The following STOX2 variants were observed in gnomAD, a reference collection of about 807,000 sequenced individuals.
STOX2 encodes storkhead box 2.
Under a neutral mutation model 60.9 loss-of-function variants are expected in STOX2, and 28 were observed. The ratio of observed to expected loss-of-function variants is 0.46; its 90% CI spans 0.34 to 0.63. The LOEUF (loss-of-function observed/expected upper bound fraction) is 0.63. Among genes scored for constraint, STOX2 ranks in the 30% least tolerant of loss-of-function variants. The pLI, the probability that STOX2 is intolerant of heterozygous loss-of-function variation, is 0.01. For synonymous variants in STOX2, 472 were observed against 463.9 expected (o/e 1.02, Z -0.22); for missense variants, 1,024 against 1,187.7 (o/e 0.86, Z 2.03).
Position 184,018,642 on chromosome 4 carries a change from A to C in STOX2, c.*1358A>C, listed in dbSNP as rs1421945865. The stretch of plus-strand genomic sequence containing the variant: ...TTTTTAGCTGGATGTGTAGTTAATT[A>C]GACCAACTTATTTCCAAATGGTTTG... On this transcript the variant is annotated 3_prime_UTR_variant, in exon 4 of 4. Transcript: ENST00000308497. 6.6e-6 allele frequency: 1 copy of C among 152,222 alleles called. No individual in the cohort carries two copies. The highest frequency in any genetic ancestry group is 2.1e-4 in the South Asian group (1 of 4,834). 9.4% of individuals were successfully genotyped at this position (152,222 alleles called of 1,614,324 possible).
At chr4:184,005,170 TA>T (rs1165763586) in intron 2 of STOX2, among the ~76,000 whole-genome samples, 9 of 152,170 alleles carry the variant, frequency 5.9e-5, no homozygotes, top group Non-Finnish European at 1.2e-4. Flanking sequence ...ACTAAAGCAA[TA>T]CATAGAGGCT....
chr4:184,006,088 G>A (rs191239683), intron 2 of STOX2, among the ~76,000 whole-genome samples: 2 of 152,214 alleles, frequency 1.3e-5, no homozygotes, highest in East Asian at 3.9e-4. Flanking sequence ...AGCTTTATGA[G>A]TTTCCTAAGA....
chr4:183,926,712 C>T (rs1742251406), intron 1 of STOX2, among the ~76,000 whole-genome samples: 1 of 152,090 alleles, frequency 6.6e-6, no homozygotes, highest in Non-Finnish European at 1.5e-5. Flanking sequence ...AAACCTCCAC[C>T]TCCCGGGTTC....
In STOX2 at chr4:183,856,571, C is replaced by G. The variant is rs1206687160; in HGVS notation, c.364+58516C>G. On this transcript the variant is annotated intron_variant, in intron 1 of 2. Transcript: ENST00000513034. The surrounding 1 kb of genome is among the most constrained non-coding windows in gnomAD (Gnocchi z 4.0). ...TTCCAAAGCCTTGTCTAAAAGCCGTCCCTGCTCTCAGCCACCTGCCCCTGG... is the reference window on the plus strand; with the variant it reads ...TTCCAAAGCCTTGTCTAAAAGCCGTGCCTGCTCTCAGCCACCTGCCCCTGG... Among the ~76,000 whole-genome samples the G allele has an allele frequency of 6.6e-6, 1 of 152,202 alleles. No homozygotes were observed. Among genetic ancestry groups the G allele is most frequent in the Non-Finnish European group, 1.5e-5 (1 of 68,038 alleles).
At chr4:183,931,770 CA>C (rs1272769515) in intron 1 of STOX2, among the ~76,000 whole-genome samples, 1 of 152,170 alleles carries the variant, frequency 6.6e-6, no homozygotes, top group East Asian at 1.9e-4. Context: ...ACGAGAAGAG[CA>C]GGCATAAGCT....
At chr4:183,937,878 T>C (rs6839594) in intron 1 of STOX2, among the ~76,000 whole-genome samples, 151,006 of 152,354 alleles carry the variant, frequency 0.99, 74,852 homozygotes, top group Middle Eastern at 1. Context: ...GCTGGCTGGG[T>C]GCTCATGCCT....
At chr4:183,955,849 G>A (rs185469026) in intron 1 of STOX2, among the ~76,000 whole-genome samples, 8 of 152,096 alleles carry the variant, frequency 5.3e-5, no homozygotes, top group Admixed American at 1.3e-4. Flanking sequence ...CTTATCCCTC[G>A]TGGGCCTGCC....
intron 1 of STOX2, among the ~76,000 whole-genome samples, chr4:183,980,134 A>T (rs542801184): frequency 3.5e-4 from 53 of 152,182 alleles, no homozygotes; most frequent in Non-Finnish European, 6.2e-4. Flanking sequence ...ACTAGTTTTT[A>T]CTTTTTTACA....
chr4:184,005,474 A>AAAAAAAAAC lies in STOX2; in HGVS notation c.320-3682_320-3681insAAAAAACAA, dbSNP rs58443213. ...CGATATCTCAAAAAAAAAAAAAAAA[A>AAAAAAAAAC]AATTCATAGGTATAAGTAGACCACA... On this transcript the variant is annotated intron_variant, in intron 2 of 3. Coordinates refer to ENST00000308497, the MANE Select transcript of STOX2 (RefSeq NM_020225.3). 4.4e-3 allele frequency among the ~76,000 whole-genome samples: 531 copies of AAAAAAAAAC among 120,052 alleles called. 27 individuals are homozygous for AAAAAAAAAC. The highest frequency in any genetic ancestry group is 6.6e-3 in the Non-Finnish European group (378 of 57,470). The allele number at this position is 120,052 out of a possible 152,430, so 78.8% of individuals were successfully genotyped here. A position where few individuals can be genotyped will look rare whatever the true frequency, so the allele number is the denominator to read the frequency against.
rs1428270134 is a variant in STOX2, at chr4:184,017,454, A to G, written c.*170A>G. 6.7e-6 allele frequency: 4 copies of G among 597,724 alleles called. No individual in the cohort carries two copies. The highest frequency in any genetic ancestry group is 4.5e-4 in the Middle Eastern group (1 of 2,234). The allele number at this position is 597,724 out of a possible 1,614,324, so 37.0% of individuals were successfully genotyped here. The stretch of plus-strand genomic sequence containing the variant: ...CAAAAAAACAAAAAATCTTTATTTC[A>G]GAGTATTGCTTTTCACATTTATGGC... On this transcript the variant is annotated 3_prime_UTR_variant, in exon 4 of 4. Transcript: ENST00000308497.
rs145541913 is a variant in STOX2, at chr4:183,868,014, C to A, written c.364+69959C>A. The stretch of plus-strand genomic sequence containing the variant: ...AAAGAAGCAAGTTAACATGTTGTGT[C>A]AACCTATGCCTCTCGAACATTAGAG... On this transcript the variant is annotated intron_variant, in intron 1 of 2. Transcript: ENST00000513034. Among the ~76,000 whole-genome samples, 1,239 of 152,152 alleles carry A rather than the reference C, an allele frequency of 8.1e-3. 12 individuals carry two copies. The highest frequency in any genetic ancestry group is 0.011 in the Non-Finnish European group (780 of 68,012).
At chr4:183,820,688 T>G (rs182801275) in intron 1 of STOX2, among the ~76,000 whole-genome samples, 183 of 152,350 alleles carry the variant, frequency 1.2e-3, no homozygotes, top group Non-Finnish European at 2.3e-3. Context: ...ATTGTCATAC[T>G]TAGTTTCAAA....
chr4:183,919,803 C>G (rs952399382), intron 1 of STOX2, among the ~76,000 whole-genome samples: 4 of 152,004 alleles, frequency 2.6e-5, no homozygotes, highest in African/African-American at 9.7e-5. Flanking sequence ...TGGGTCTTGC[C>G]GTGTTACCCA....
At chr4:183,808,386 C>T (rs540165548) in intron 1 of STOX2, among the ~76,000 whole-genome samples, 66 of 152,312 alleles carry the variant, frequency 4.3e-4, no homozygotes, top group African/African-American at 1.5e-3. Context: ...CTTGGAAGGC[C>T]TGCTCACTTT....
At chr4:183,954,436 C>G (rs922159647) in intron 1 of STOX2, among the ~76,000 whole-genome samples, 2 of 151,366 alleles carry the variant, frequency 1.3e-5, no homozygotes, top group African/African-American at 4.9e-5. Context: ...TTACAGGCGC[C>G]CACCACCATA....
At chr4:183,843,306 G>C (rs139568280) in intron 1 of STOX2, among the ~76,000 whole-genome samples, 42 of 152,220 alleles carry the variant, frequency 2.8e-4, no homozygotes, top group Non-Finnish European at 5.0e-4. Context: ...ACACAGAGAC[G>C]TCACCCTGAC....
chr4:183,949,989 C>G (rs1247632069), intron 1 of STOX2, among the ~76,000 whole-genome samples: 1 of 152,180 alleles, frequency 6.6e-6, no homozygotes, highest in Non-Finnish European at 1.5e-5. Flanking sequence ...CAGTTAACAC[C>G]ATGAATTAAA....
intron 1 of STOX2, among the ~76,000 whole-genome samples, chr4:183,898,938 T>C (rs1741401512): frequency 6.6e-6 from 1 of 152,238 alleles, no homozygotes; most frequent in African/African-American, 2.4e-5. Flanking sequence ...AACCGAAGTT[T>C]TCTGTCAACG....
chr4:183,867,780 G>A (rs993333559), intron 1 of STOX2, among the ~76,000 whole-genome samples: 1 of 152,204 alleles, frequency 6.6e-6, no homozygotes, highest in Non-Finnish European at 1.5e-5. Context: ...CTGGGCTCAA[G>A]AGACACAAAG....
Sources: gnomAD v4.1 joint callset for allele counts (sites outside exome capture counted in the v4.1 genomes callset) on GRCh38, gnomAD v4.1.1 for gene constraint, Gnocchi (gnomAD v3.1) non-coding constraint, MANE v1.5 for transcripts, NCBI Gene and HGNC (gene_info 2026-07-23, HGNC 2026-07-21) for gene names.